Variants in PLEK observed in about 807,000 individuals in gnomAD.
PLEK encodes the protein pleckstrin.
In PLEK, 25 loss-of-function variants were observed where a neutral mutation model predicts 43.9. That is an observed-to-expected ratio of 0.57 (90% CI 0.41 to 0.79). The LOEUF is 0.79. PLEK is among the 30% of genes least tolerant of loss of function. The probability of loss-of-function intolerance (pLI) is 0.00; values close to 1 mark genes in which losing one functional copy is unlikely to be tolerated. For missense variants in PLEK, 396 were observed against 413.3 expected, an observed-to-expected ratio of 0.96 and a Z score of 0.36; for synonymous variants, 152 against 144.4, an observed-to-expected ratio of 1.05 and a Z score of -0.38.
At position 68,367,090 on chromosome 2, in the gene PLEK, C is replaced by T. The variant is rs796684548; in HGVS notation, c.42+1697C>T. ...GAGTAGTTCTCTCAGATTGTAAAAG[C>T]CAATCTAGAAAATGTGCCTGGAATT... On this transcript the variant is annotated intron_variant, in intron 1 of 8. Transcript: ENST00000234313. Among the ~76,000 whole-genome samples, 49 of 152,118 alleles carry T rather than the reference C, an allele frequency of 3.2e-4. 1 individual carries two copies. The highest frequency in any genetic ancestry group is 1.1e-3 in the African/African-American group (47 of 41,476).
chr2:68,388,316 G>T, intron 5 of PLEK, 71 bp from the exon 6 acceptor site: 1 of 841,646 alleles, frequency 1.2e-6, no homozygotes. Flanking sequence ...AGGGGAGGGG[G>T]AATGGAGATG....
At position 68,394,167 on chromosome 2, in the gene PLEK, A is replaced by C; in HGVS notation, c.907A>C (p.Asn303His). 26 of 1,597,208 alleles carry C rather than the reference A, an allele frequency of 1.6e-5. No homozygotes were observed. Among genetic ancestry groups the C allele is most frequent in the Non-Finnish European group, 2.2e-5 (26 of 1,164,628 alleles). The change falls in exon 8 of 9, where the codon AAC becomes CAC. Residue 303 changes from asparagine (N) to histidine (H), a missense_variant. Asn to His is a moderately conservative substitution (Grantham distance 68). Coordinates refer to ENST00000234313, the MANE Select transcript of PLEK (RefSeq NM_002664.3). Reference sequence around the variant, plus strand: ...CTGTGTGGTGACTTCAGTGGAGAGCAACTCAAATGGTAAGATGAATTTCTG... The same window carrying C: ...CTGTGTGGTGACTTCAGTGGAGAGCCACTCAAATGGTAAGATGAATTTCTG... Reference protein sequence around the residue: ...RGCVVTSVESNSNGRKSEEEN... With the variant: ...RGCVVTSVESHSNGRKSEEEN...
intron 1 of PLEK, among the ~76,000 whole-genome samples, chr2:68,378,176 A>T (rs1037584476): frequency 1.3e-5 from 2 of 152,240 alleles, no homozygotes; most frequent in African/African-American, 4.8e-5. Flanking sequence ...ACTATGCTTT[A>T]AGATGGAATT....
intron 5 of PLEK, among the ~76,000 whole-genome samples, chr2:68,386,915 G>A (rs1477857428): frequency 6.6e-6 from 1 of 152,094 alleles, no homozygotes; most frequent in Non-Finnish European, 1.5e-5. Context: ...CCCTGTCCAA[G>A]TGAATTTGTT....
Position 68,397,182 on chromosome 2 carries a change from T to A in PLEK, c.*1366T>A, listed in dbSNP as rs1673977064. On this transcript the variant is annotated 3_prime_UTR_variant, in exon 9 of 9. Coordinates refer to ENST00000234313, the MANE Select transcript of PLEK (RefSeq NM_002664.3). The stretch of plus-strand genomic sequence containing the variant: ...AATTCCAGATTTTTAATTTTAAGGC[T>A]CCAGGAAAGAAAGGAGAGTAGAACA... The A allele has an allele frequency of 6.6e-6, 1 of 152,116 alleles. No homozygotes were observed. Among genetic ancestry groups the A allele is most frequent in the Non-Finnish European group, 1.5e-5 (1 of 68,024 alleles). The allele number at this position is 152,116 out of a possible 1,614,324, so 9.4% of individuals were successfully genotyped here. A position where few individuals can be genotyped will look rare whatever the true frequency, so the allele number is the denominator to read the frequency against.
chr2:68,381,694 C>CCTAAAGACAAG (rs1673621254), intron 3 of PLEK, among the ~76,000 whole-genome samples: 4 of 152,280 alleles, frequency 2.6e-5, no homozygotes, highest in South Asian at 4.1e-4. Context: ...CTAAAGACAT[C>CCTAAAGACAAG]CCTTCTGCAC....
chr2:68,368,881 T>C (rs1673336339), intron 1 of PLEK, among the ~76,000 whole-genome samples: 1 of 152,164 alleles, frequency 6.6e-6, no homozygotes, highest in South Asian at 2.1e-4. Context: ...GGGATTTGGA[T>C]GTCCTTTGAG....
At chr2:68,379,998 G>A (rs998585281) in intron 1 of PLEK, among the ~76,000 whole-genome samples, 2 of 152,188 alleles carry the variant, frequency 1.3e-5, no homozygotes, top group Non-Finnish European at 2.9e-5. Context: ...CGGTGGGTCT[G>A]TGCAGTTCGG....
chr2:68,393,308 C>A (rs762825092), intron 7 of PLEK, 63 bp downstream of exon 7: 13 of 1,080,664 alleles, frequency 1.2e-5, no homozygotes, highest in Non-Finnish European at 1.9e-5. Flanking sequence ...ATAATCTGGG[C>A]TTCCTATTCC....
chr2:68,376,736 A>G (rs1673510433), intron 1 of PLEK, among the ~76,000 whole-genome samples: 1 of 152,198 alleles, frequency 6.6e-6, no homozygotes, highest in African/African-American at 2.4e-5. Context: ...TGGGGTATCC[A>G]TCCCCACTAA....
chr2:68,382,243 C>T (rs1673637755), intron 3 of PLEK, among the ~76,000 whole-genome samples: 1 of 152,138 alleles, frequency 6.6e-6, no homozygotes, highest in African/African-American at 2.4e-5. Context: ...GGCAAATTTC[C>T]ATCCCAGGAA....
chr2:68,375,713 T>C (rs1673489038), intron 1 of PLEK, among the ~76,000 whole-genome samples: 1 of 152,186 alleles, frequency 6.6e-6, no homozygotes, highest in South Asian at 2.1e-4. Flanking sequence ...CCTTTGTATT[T>C]TGAGATAAGC....
intron 2 of PLEK, 43 bp downstream of exon 2, chr2:68,380,526 C>T: frequency 6.3e-7 from 1 of 1,591,278 alleles, no homozygotes; most frequent in South Asian, 1.1e-5. Flanking sequence ...TGGTCAGGCA[C>T]TCAACTTTTG....
intron 1 of PLEK, among the ~76,000 whole-genome samples, chr2:68,366,045 T>G (rs1268574325): frequency 6.6e-6 from 1 of 152,136 alleles, no homozygotes; most frequent in Non-Finnish European, 1.5e-5. Flanking sequence ...TCATGAAAAT[T>G]GAATTTTCTT....
intron 8 of PLEK, among the ~76,000 whole-genome samples, chr2:68,394,836 G>T (rs2103788444): frequency 6.6e-6 from 1 of 152,232 alleles, no homozygotes; most frequent in South Asian, 2.1e-4. Flanking sequence ...GTATCTCTGG[G>T]GTGATGTGGT....
chr2:68,365,637 A>G, intron 1 of PLEK: 1 of 466,514 alleles, frequency 2.1e-6, no homozygotes, highest in South Asian at 2.1e-5. Flanking sequence ...CAGGGCCTGG[A>G]AGGTGGGGAT....
At chr2:68,389,167 G>C (rs888846421) in intron 6 of PLEK, among the ~76,000 whole-genome samples, 2 of 152,254 alleles carry the variant, frequency 1.3e-5, no homozygotes, top group Non-Finnish European at 2.9e-5. Flanking sequence ...AGAGGTAAGA[G>C]ATGGACAGGG....
At chr2:68,393,019 C>T (rs2289689) in intron 6 of PLEK, 143 bp from the exon 7 acceptor site, 217,553 of 679,814 alleles carry the variant, frequency 0.32, 40,348 homozygotes, top group East Asian at 0.68. Flanking sequence ...AAGACCTAGG[C>T]CGGGATATTG....
intron 6 of PLEK, among the ~76,000 whole-genome samples, chr2:68,390,335 A>G (rs76851916): frequency 6.6e-6 from 1 of 152,352 alleles, no homozygotes; most frequent in African/African-American, 2.4e-5. Context: ...ACAGCTCCCA[A>G]GTGATTCTGA....
Sources: gnomAD v4.1 joint callset for allele counts (sites outside exome capture counted in the v4.1 genomes callset) on GRCh38, gnomAD v4.1.1 for gene constraint, MANE v1.5 for transcripts, NCBI Gene and HGNC (gene_info 2026-07-23, HGNC 2026-07-21) for gene names.